Variants in SIDT2 observed in about 807,000 individuals in gnomAD.
SIDT2 encodes SID1 transmembrane family, member 2.
A neutral mutation model predicts 114.4 loss-of-function variants in SIDT2; 68 were observed. The observed-to-expected ratio is 0.59, with a 90% CI of 0.49 to 0.73. The LOEUF is 0.73. SIDT2 is among the 30% of genes least tolerant of loss of function. The probability of loss-of-function intolerance (pLI) is 0.00; values close to 1 mark genes in which losing one functional copy is unlikely to be tolerated. For synonymous variants in SIDT2, 470 were observed against 438.4 expected (o/e 1.07, Z -0.90); for missense variants, 918 against 1,097.1 (o/e 0.84, Z 2.31).
chr11:117,190,474 G>A lies in SIDT2; in HGVS notation c.1618-149G>A. ...CTGCCCTGCCCTCCCTTGCCAGCCT[G>A]CCCAGGCCAGCCCACCCCTGCACAC... On this transcript the variant is annotated intron_variant, in intron 17 of 25. Coordinates refer to ENST00000324225, the MANE Select transcript of SIDT2 (RefSeq NM_001040455.2). This position sits in a 1 kb window ranked among gnomAD's most constrained non-coding sequence, Gnocchi z 4.1. 1 of 895,064 alleles carries A rather than the reference G, an allele frequency of 1.1e-6. No homozygotes were observed. Among genetic ancestry groups the A allele is most frequent in the East Asian group, 3.2e-5 (1 of 31,708 alleles). The allele number at this position is 895,064 out of a possible 1,614,324, so 55.4% of individuals were successfully genotyped here. A position where few individuals can be genotyped will look rare whatever the true frequency, so the allele number is the denominator to read the frequency against.
Position 117,182,214 on chromosome 11 carries a change from A to G in SIDT2, c.516+109A>G, listed in dbSNP as rs530349855. On this transcript the variant is annotated intron_variant, in intron 4 of 25. Transcript: ENST00000324225. ...GCCTTTTGAATTGGCTGTTTTCTCC[A>G]TGGAGGGCTCTCTGGAAACAGGAGC... The G allele has an allele frequency of 6.4e-4, 811 of 1,263,758 alleles. 13 individuals carry two copies. The South Asian group carries it at 0.011, about 17-fold the overall frequency. 78.3% of individuals were successfully genotyped at this position (1,263,758 alleles called of 1,614,324 possible).
In SIDT2 at chr11:117,190,256, C is replaced by A; in HGVS notation, c.1584C>A (p.Asn528Lys). ...LIILQREINH[N>K]RALLRNDLCA... ...TCCTGCAACGGGAGATCAACCACAA[C>A]CGGGCCCTGCTGCGCAATGACCTCT... The change falls in exon 17 of 26, where the codon AAC becomes AAA. Residue 528 changes from asparagine (N) to lysine (K), a missense_variant. Asn to Lys is a moderately conservative substitution (Grantham distance 94). Coordinates refer to ENST00000324225, the MANE Select transcript of SIDT2 (RefSeq NM_001040455.2). This position sits in a 1 kb window ranked among gnomAD's most constrained non-coding sequence, Gnocchi z 4.1. 1 of 1,563,650 alleles carries A rather than the reference C, an allele frequency of 6.4e-7. No individual in the cohort carries two copies. The highest frequency in any genetic ancestry group is 1.9e-5 in the Admixed American group (1 of 52,470).
rs4938355 is a variant in SIDT2, at chr11:117,182,959, A to G, written c.702+153A>G. ...CCTGTGACTTTGAGTCCCCTGATAT[A>G]TATGAGAGTTGTACCATAATCCCAG... is the stretch of plus-strand genomic sequence containing the variant. On this transcript the variant is annotated intron_variant, in intron 6 of 25. Coordinates refer to ENST00000324225, the MANE Select transcript of SIDT2 (RefSeq NM_001040455.2). 0.17 allele frequency among the ~76,000 whole-genome samples: 26,242 copies of G among 152,180 alleles called. 2,407 individuals are homozygous for G. The highest frequency in any genetic ancestry group is 0.22 in the African/African-American group (8,981 of 41,480).
Position 117,181,439 on chromosome 11 carries a change from G to C in SIDT2, c.207G>C (p.Val69=). ...RNRTEGVRVS[V]NVLNKQKGAP... ...AGACAGAGGGCGTGCGTGTGTCTGT[G>C]AACGTCCTGAACAAGCAGAAGGGGG... is the stretch of plus-strand genomic sequence containing the variant. Residue 69 remains valine (V), a synonymous_variant, in exon 2 of 26, where the codon GTG becomes GTC. Transcript: ENST00000324225. 1 of 1,613,598 alleles carries C rather than the reference G, an allele frequency of 6.2e-7. No individual in the cohort carries two copies.
rs61230474 is a variant in SIDT2, at chr11:117,193,131, C to T, written c.2106-22C>T. Reference sequence around the variant, plus strand: ...CTTGCCCTTGGGCTTCCTGCTTCACCACCCTTCATCCCTCTTGCCAGGGCT... The same window carrying T: ...CTTGCCCTTGGGCTTCCTGCTTCACTACCCTTCATCCCTCTTGCCAGGGCT... On this transcript the variant is annotated intron_variant, in intron 22 of 25. Transcript: ENST00000324225. 5,342 of 1,612,390 alleles carry T rather than the reference C, an allele frequency of 3.3e-3. 151 individuals are homozygous for T. In the African/African-American group the frequency reaches 0.06, roughly 18 times the overall value.
In SIDT2 at chr11:117,196,522, C is replaced by A; in HGVS notation, c.*456C>A. ...AGGGCCTAGTCTGGGGCCTGAATCTCTGTCCTGTATCAGGGCCCCAGTTCT... is the reference window on the plus strand; with the variant it reads ...AGGGCCTAGTCTGGGGCCTGAATCTATGTCCTGTATCAGGGCCCCAGTTCT... On this transcript the variant is annotated 3_prime_UTR_variant, in exon 26 of 26. Coordinates refer to ENST00000324225, the MANE Select transcript of SIDT2 (RefSeq NM_001040455.2). This position sits in a 1 kb window ranked among gnomAD's most constrained non-coding sequence, Gnocchi z 4.9. 5.2e-6 allele frequency: 1 copy of A among 192,588 alleles called. No individual in the cohort carries two copies. The highest frequency in any genetic ancestry group is 1.1e-5 in the Non-Finnish European group (1 of 91,512). 11.9% of individuals were successfully genotyped at this position (192,588 alleles called of 1,614,324 possible).
chr11:117,182,477 T>C, intron 4 of SIDT2, 42 bp from the exon 5 acceptor site: 1 of 1,544,992 alleles, frequency 6.5e-7, no homozygotes, highest in Non-Finnish European at 9.0e-7. Context: ...CAAGAGAGCA[T>C]CCTCATGAGA....
chr11:117,195,995 A>C lies in SIDT2; in HGVS notation c.2437-9A>C. Reference sequence around the variant, plus strand: ...CTTCTCTGTGGCTGATCTGGCGTCCACACCCCAGGTGTTGCTGACACTGGA... The same window carrying C: ...CTTCTCTGTGGCTGATCTGGCGTCCCCACCCCAGGTGTTGCTGACACTGGA... On this transcript the variant is annotated splice_polypyrimidine_tract_variant and intron_variant, in intron 25 of 25. Coordinates refer to ENST00000324225, the MANE Select transcript of SIDT2 (RefSeq NM_001040455.2). 6.2e-7 allele frequency: 1 copy of C among 1,614,208 alleles called. No individual in the cohort carries two copies. Among genetic ancestry groups the C allele is most frequent in the Admixed American group, 1.7e-5 (1 of 60,030 alleles).
chr11:117,178,749 C>T lies in SIDT2; in HGVS notation c.-515C>T, dbSNP rs1298313257. ...GCGGCGCAGCTCACTTTTCAGTGTTCGTGCGTCGGGACGGCGCGTCCGCCC... is the reference window on the plus strand; with the variant it reads ...GCGGCGCAGCTCACTTTTCAGTGTTTGTGCGTCGGGACGGCGCGTCCGCCC... On this transcript the variant is annotated 5_prime_UTR_variant, in exon 1 of 26. Transcript: ENST00000324225. The T allele has an allele frequency of 3.2e-5, 5 of 156,870 alleles. No homozygotes were observed. The highest frequency in any genetic ancestry group is 9.6e-5 in the African/African-American group (4 of 41,490). 9.7% of individuals were successfully genotyped at this position (156,870 alleles called of 1,614,324 possible). A position where few individuals can be genotyped will look rare whatever the true frequency, so the allele number is the denominator to read the frequency against.
In SIDT2 at chr11:117,192,705, G is replaced by C. The variant is rs114000765; in HGVS notation, c.2058+55G>C. On this transcript the variant is annotated intron_variant, in intron 21 of 25. Coordinates refer to ENST00000324225, the MANE Select transcript of SIDT2 (RefSeq NM_001040455.2). The surrounding 1 kb of genome is among the most constrained non-coding windows in gnomAD (Gnocchi z 5.9). ...CCACATCTCCTTTCTTCCCTCTGAT[G>C]GGGGAGTGGGGCTGGGCTGAGGACC... is the stretch of plus-strand genomic sequence containing the variant. The C allele has an allele frequency of 1.7e-3, 2,702 of 1,612,432 alleles. 38 individuals are homozygous for C. The African/African-American group carries it at 0.031, about 19-fold the overall frequency.
chr11:117,186,998 C>T, intron 10 of SIDT2: 1 of 1,451,744 alleles, frequency 6.9e-7, no homozygotes, highest in Non-Finnish European at 9.1e-7. Flanking sequence ...AGCTTCTCTC[C>T]TTGGTAAGCT....
chr11:117,187,257 C>T, intron 10 of SIDT2, 121 bp from the exon 11 acceptor site: 2 of 1,051,070 alleles, frequency 1.9e-6, no homozygotes, highest in Non-Finnish European at 1.5e-6. Context: ...ATAGGTGCTG[C>T]TTCTCGTCTG....
intron 15 of SIDT2, 126 bp downstream of exon 15, chr11:117,189,527 C>A: frequency 9.8e-7 from 1 of 1,021,650 alleles, no homozygotes; most frequent in Non-Finnish European, 1.4e-6. Context: ...CTCTGCCTTC[C>A]CAGCCGAGTG....
chr11:117,193,790 T>TGGTTGGGAAAGGCTGGGG, intron 23 of SIDT2, 63 bp from the exon 24 acceptor site: 1 of 1,212,956 alleles, frequency 8.2e-7, no homozygotes. Context: ...AAAGGCTGGG[T>TGGTTGGGAAAGGCTGGGG]GGGACAGCGG....
At position 117,179,314 on chromosome 11, in the gene SIDT2, G is replaced by C. The variant is rs573375039; in HGVS notation, c.51G>C (p.Glu17Asp). The change falls in exon 1 of 26, where the codon GAG (glutamate) becomes GAC (aspartate). Residue 17 changes from glutamate to aspartate, a missense_variant. By Grantham distance (45) the Glu-to-Asp change is conservative. Transcript: ENST00000324225. ...TGGTGCTCTTGGTGGCCTCGGTCGAGAGCCATCTGGGGGTTCTGGGGCCCA... is the reference window on the plus strand; with the variant it reads ...TGGTGCTCTTGGTGGCCTCGGTCGACAGCCATCTGGGGGTTCTGGGGCCCA... The part of the protein sequence containing the change: ...PFLVLLVASV[E>D]SHLGVLGPKN... 6.2e-7 allele frequency: 1 copy of C among 1,614,192 alleles called. No individual in the cohort carries two copies. The highest frequency in any genetic ancestry group is 8.5e-7 in the Non-Finnish European group (1 of 1,180,036).
chr11:117,191,628 TAA>T, intron 18 of SIDT2: 3 of 549,978 alleles, frequency 5.5e-6, no homozygotes, highest in Non-Finnish European at 9.7e-6. Context: ...GCTCACAGAC[TAA>T]GACACAGACC....
chr11:117,179,200 G>A lies in SIDT2; in HGVS notation c.-64G>A. ...GCCGCAGCCGCAACCCGTCCCGGAG[G>A]TGTCCTGTCTCCTGTCGCCGCCGCC... is the stretch of plus-strand genomic sequence containing the variant. On this transcript the variant is annotated 5_prime_UTR_variant, in exon 1 of 26. In the 5' UTR this introduces an upstream ATG that the reference lacks. Coordinates refer to ENST00000324225, the MANE Select transcript of SIDT2 (RefSeq NM_001040455.2). 6.6e-7 allele frequency: 1 copy of A among 1,518,474 alleles called. No individual in the cohort carries two copies. Among genetic ancestry groups the A allele is most frequent in the Non-Finnish European group, 8.9e-7 (1 of 1,119,266 alleles). The allele number at this position is 1,518,474 out of a possible 1,614,324, so 94.1% of individuals were successfully genotyped here. A position where few individuals can be genotyped will look rare whatever the true frequency, so the allele number is the denominator to read the frequency against.
At position 117,188,887 on chromosome 11, in the gene SIDT2, C is replaced by G. The variant is rs887241256; in HGVS notation, c.1278+61C>G. ...CTGAGAAAGGGACATTCTGCGTTCC[C>G]GCCCCAGCATGTTCCCACTGACGTG... is the stretch of plus-strand genomic sequence containing the variant. On this transcript the variant is annotated intron_variant, in intron 13 of 25. Coordinates refer to ENST00000324225, the MANE Select transcript of SIDT2 (RefSeq NM_001040455.2). This position sits in a 1 kb window ranked among gnomAD's most constrained non-coding sequence, Gnocchi z 4.0. The G allele has an allele frequency of 2.7e-6, 4 of 1,477,898 alleles. No individual in the cohort carries two copies. The highest frequency in any genetic ancestry group is 3.8e-6 in the Non-Finnish European group (4 of 1,056,316). 91.5% of individuals were successfully genotyped at this position (1,477,898 alleles called of 1,614,324 possible).
Position 117,188,384 on chromosome 11 carries a change from C to T in SIDT2, c.1160-324C>T. 1 of 412,514 alleles carries T rather than the reference C, an allele frequency of 2.4e-6. No homozygotes were observed. Among genetic ancestry groups the T allele is most frequent in the East Asian group, 4.6e-5 (1 of 21,860 alleles). 25.6% of individuals were successfully genotyped at this position (412,514 alleles called of 1,614,324 possible). ...TCAGCATGACTTGCCGAGTTCAATC[C>T]TGTTGTTTGTGTCTGCTGCCTGGGG... On this transcript the variant is annotated intron_variant, in intron 12 of 25. Coordinates refer to ENST00000324225, the MANE Select transcript of SIDT2 (RefSeq NM_001040455.2). This position sits in a 1 kb window ranked among gnomAD's most constrained non-coding sequence, Gnocchi z 4.0.
Sources: allele counts gnomAD v4.1 joint callset (sites outside exome capture counted in the v4.1 genomes callset), GRCh38; gene constraint gnomAD v4.1.1; non-coding constraint Gnocchi (gnomAD v3.1); transcripts MANE v1.5; gene names NCBI Gene and HGNC (gene_info 2026-07-23, HGNC 2026-07-21).